CSNK1E: variants seen among roughly 807,000 people sequenced by gnomAD.
CSNK1E encodes casein kinase I isoform epsilon.
CSNK1E carries 17 observed loss-of-function variants against 46.1 expected under a neutral mutation model. The ratio of observed to expected loss-of-function variants is 0.37; its 90% confidence interval spans 0.25 to 0.55. The LOEUF is 0.55. CSNK1E is among the 20% of genes least tolerant of loss of function. The pLI is 0.82. For synonymous variants in CSNK1E, 241 were observed against 242.6 expected (o/e 0.99, Z 0.06); for missense variants, 386 against 595.4 (o/e 0.65, Z 3.66).
intron 9 of CSNK1E, 75 bp from the exon 10 acceptor site, chr22:38,293,394 G>T (rs1329212521): frequency 2.2e-6 from 2 of 921,414 alleles, no homozygotes; most frequent in Admixed American, 1.9e-5. Flanking sequence ...TCCCTTAGCC[G>T]CTGGCGATAG....
intron 2 of CSNK1E, among the ~76,000 whole-genome samples, chr22:38,307,827 G>C (rs552467664): frequency 6.6e-6 from 1 of 152,316 alleles, no homozygotes; most frequent in African/African-American, 2.4e-5. Context: ...CTCTCGAGTA[G>C]CTGGACTACA....
chr22:38,307,759 C>A (rs2092704779), intron 2 of CSNK1E, among the ~76,000 whole-genome samples: 1 of 152,160 alleles, frequency 6.6e-6, no homozygotes, highest in South Asian at 2.1e-4. Flanking sequence ...TGTAGTGGCA[C>A]TAACACAGCT....
chr22:38,294,616 G>A lies in CSNK1E; in HGVS notation c.886-82C>T, dbSNP rs543880990. 7.5e-7 allele frequency: 1 copy of A among 1,338,740 alleles called. No individual in the cohort carries two copies. The allele number at this position is 1,338,740 out of a possible 1,614,324, so 82.9% of individuals were successfully genotyped here. A position where few individuals can be genotyped will look rare whatever the true frequency, so the allele number is the denominator to read the frequency against. ...CCAGCAGCCCTGCAGGGCACAGAAG[G>A]GGAGGGAGGCCAGGTGGATATCTCA... On this transcript the variant is annotated intron_variant, in intron 7 of 10. Transcript: ENST00000396832. This position sits in a 1 kb window ranked among gnomAD's most constrained non-coding sequence, Gnocchi z 5.5.
At chr22:38,305,388 C>T (rs6001093) in intron 2 of CSNK1E, among the ~76,000 whole-genome samples, 104,629 of 144,058 alleles carry the variant, frequency 0.73, 39,489 homozygotes, top group East Asian at 0.88. Flanking sequence ...TGGGGTTAGG[C>T]AAAGCTTTTA....
chr22:38,298,717 T>A lies in CSNK1E; in HGVS notation c.885+69A>T, dbSNP rs2092654774. 6.3e-7 allele frequency: 1 copy of A among 1,580,542 alleles called. No individual in the cohort carries two copies. Among genetic ancestry groups the A allele is most frequent in the South Asian group, 1.1e-5 (1 of 89,956 alleles). ...GGAGCCCCTCCCGCCACCAGCTCAC[T>A]CTGGCCCTCTGAGTCAGGGCCTTCC... On this transcript the variant is annotated intron_variant, in intron 7 of 10. Coordinates refer to ENST00000396832, the MANE Select transcript of CSNK1E (RefSeq NM_152221.3). The surrounding 1 kb of genome is among the most constrained non-coding windows in gnomAD (Gnocchi z 4.2).
chr22:38,296,514 G>A (rs1264261199), intron 7 of CSNK1E: 8 of 1,589,296 alleles, frequency 5.0e-6, no homozygotes, highest in African/African-American at 4.0e-5. Context: ...TTCTGCCAGG[G>A]GACTGCTGGA....
chr22:38,311,329 C>A (rs376657829), intron 2 of CSNK1E, among the ~76,000 whole-genome samples: 6 of 152,186 alleles, frequency 3.9e-5, no homozygotes, highest in East Asian at 3.8e-4. Context: ...TACTCTAGAG[C>A]CAGTACAAAG....
intron 7 of CSNK1E, chr22:38,296,948 T>C: frequency 1.6e-6 from 1 of 607,920 alleles, no homozygotes; most frequent in Non-Finnish European, 2.9e-6. Flanking sequence ...CTAATTTTTG[T>C]GTTTTTAGTA....
At chr22:38,316,526 T>A (rs1476901208) in intron 1 of CSNK1E, 1 of 152,222 alleles carries the variant, frequency 6.6e-6, no homozygotes, top group African/African-American at 2.4e-5. Flanking sequence ...GACACTGTTT[T>A]GCGTTCCTTA....
chr22:38,302,483 G>A (rs1249316455), intron 4 of CSNK1E, among the ~76,000 whole-genome samples: 5 of 152,204 alleles, frequency 3.3e-5, no homozygotes, highest in Admixed American at 2.6e-4. Flanking sequence ...GGTGGCTCAC[G>A]CCTGTAATCC....
intron 4 of CSNK1E, among the ~76,000 whole-genome samples, chr22:38,301,363 C>A (rs5995565): frequency 0.024 from 3,583 of 152,204 alleles, 119 homozygotes; most frequent in African/African-American, 0.076. Context: ...GAAGAGGTGA[C>A]AGAGGCAGAA....
intron 7 of CSNK1E, chr22:38,296,199 C>A (rs1026163678): frequency 2.0e-5 from 21 of 1,027,612 alleles, no homozygotes; most frequent in Non-Finnish European, 2.4e-5. Flanking sequence ...AAGAAACACA[C>A]AGCAGGGAGC....
Position 38,300,652 on chromosome 22 carries a change from G to T in CSNK1E, c.565+72C>A. On this transcript the variant is annotated intron_variant, in intron 5 of 10. Coordinates refer to ENST00000396832, the MANE Select transcript of CSNK1E (RefSeq NM_152221.3). The surrounding 1 kb of genome is among the most constrained non-coding windows in gnomAD (Gnocchi z 4.4). ...GGGGGCCTCCATCAGGGTAGGGGGT[G>T]AGAGGGCTCCAGAGAGCTGGGCCCC... The T allele has an allele frequency of 6.9e-7, 1 of 1,451,696 alleles. No individual in the cohort carries two copies. Among genetic ancestry groups the T allele is most frequent in the Non-Finnish European group, 9.6e-7 (1 of 1,045,366 alleles). The allele number at this position is 1,451,696 out of a possible 1,614,324, so 89.9% of individuals were successfully genotyped here.
chr22:38,303,048 GCA>G lies in CSNK1E; in HGVS notation c.188-41_188-40del. 7.4e-5 allele frequency: 2 copies of G among 26,950 alleles called. No homozygotes were observed. Among genetic ancestry groups the G allele is most frequent in the Non-Finnish European group, 1.1e-4 (2 of 18,940 alleles). 1.7% of individuals were successfully genotyped at this position (26,950 alleles called of 1,614,324 possible). The stretch of plus-strand genomic sequence containing the variant: ...AGAGGGCCTCTGTCAGGGGTCAGAG[GCA>G]GGCAGCCAGCCACGCCCGGCCCACC... On this transcript the variant is annotated intron_variant, in intron 3 of 10. Transcript: ENST00000396832. This position sits in a 1 kb window ranked among gnomAD's most constrained non-coding sequence, Gnocchi z 4.7.
At chr22:38,293,119 A>T in intron 10 of CSNK1E, 136 bp downstream of exon 10, 1 of 747,932 alleles carries the variant, frequency 1.3e-6, no homozygotes, top group African/African-American at 1.7e-5. Context: ...GAGGCCCCTT[A>T]GAGTTCTGGG....
chr22:38,294,504 G>A lies in CSNK1E; in HGVS notation c.916C>T (p.Arg306Trp), dbSNP rs745723056. 20 of 1,596,064 alleles carry A rather than the reference G, an allele frequency of 1.3e-5. No individual in the cohort carries two copies. The highest frequency in any genetic ancestry group is 3.4e-5 in the South Asian group (3 of 88,406). Reference protein sequence around the residue: ...GAARNPEDVDRERREHEREER... With the variant: ...GAARNPEDVDWERREHEREER... ...TCGCGTTCGTGTTCTCGCCGCTCCC[G>A]GTCCACATCCTCGGGATTCCGGGCT... The change falls in exon 8 of 11, where the codon CGG becomes TGG. Residue 306 changes from arginine to tryptophan, a missense_variant. Around this residue, in one of 2 missense-constraint regions of CSNK1E, gnomAD observed 174 missense variants for 185.2 expected, o/e 0.94. Coordinates refer to ENST00000396832, the MANE Select transcript of CSNK1E (RefSeq NM_152221.3). The surrounding 1 kb of genome is among the most constrained non-coding windows in gnomAD (Gnocchi z 5.5).
chr22:38,296,109 G>A (rs2092639123), intron 7 of CSNK1E: 1 of 973,074 alleles, frequency 1.0e-6, no homozygotes, highest in Non-Finnish European at 1.2e-6. Flanking sequence ...CCCTTTGTGA[G>A]CCCAGCAGGC....
intron 2 of CSNK1E, among the ~76,000 whole-genome samples, chr22:38,305,765 C>G (rs942402721): frequency 6.6e-6 from 1 of 152,124 alleles, no homozygotes; most frequent in Non-Finnish European, 1.5e-5. Context: ...AAAAGTCTTA[C>G]GAGATAACAC....
intron 1 of CSNK1E, among the ~76,000 whole-genome samples, chr22:38,315,606 G>A (rs1440976389): frequency 6.6e-6 from 1 of 151,838 alleles, no homozygotes; most frequent in African/African-American, 2.4e-5. Context: ...AAGAAAAGCA[G>A]GCACACACAG....
Sources: allele counts gnomAD v4.1 joint callset (sites outside exome capture counted in the v4.1 genomes callset), GRCh38; gene constraint gnomAD v4.1.1; regional missense constraint gnomAD v4.1.1; non-coding constraint Gnocchi (gnomAD v3.1); transcripts MANE v1.5; gene names NCBI Gene and HGNC (gene_info 2026-07-23, HGNC 2026-07-21).